FAM83H: variants seen among roughly 807,000 people sequenced by gnomAD.
The protein encoded by FAM83H is scaffolding CK1 anchoring protein H.
Under a neutral mutation model 30.2 loss-of-function variants are expected in FAM83H, and 24 were observed. That is an observed-to-expected ratio of 0.79 (90% CI 0.57 to 1.12). The LOEUF is 1.12. FAM83H is among the 50% of genes most tolerant of loss of function. The pLI, the probability that FAM83H is intolerant of heterozygous loss-of-function variation, is 0.00. For synonymous variants in FAM83H, 1,013 were observed against 821.7 expected (o/e 1.23, Z -3.98); for missense variants, 2,038 against 1,773.9 (o/e 1.15, Z -2.67).
Position 143,725,836 on chromosome 8 carries a change from G to T in FAM83H, c.*85C>A. ...CCTGACAGCCGCTGCTCAAGCAGAT[G>T]AGCAGGGCTCTCTGTTCCGCGGGGC... On this transcript the variant is annotated 3_prime_UTR_variant, in exon 5 of 5. Coordinates refer to ENST00000388913, the MANE Select transcript of FAM83H (RefSeq NM_198488.5). 1 of 1,567,900 alleles carries T rather than the reference G, an allele frequency of 6.4e-7. No individual in the cohort carries two copies. Among genetic ancestry groups the T allele is most frequent in the South Asian group, 1.2e-5 (1 of 86,618 alleles).
chr8:143,727,629 T>C lies in FAM83H; in HGVS notation c.1832A>G (p.Asp611Gly), dbSNP rs1554622727. ...PAPMEAEAYEDDVLAPGGRAP... is the reference protein window; with the variant it reads ...PAPMEAEAYEGDVLAPGGRAP... ...CCGGCCCCCGGGAGCCAGCACGTCG[T>C]CTTCGTAAGCCTCCGCTTCCATGGG... The change falls in exon 5 of 5, where the codon GAC (aspartate) becomes GGC (glycine). Residue 611 changes from aspartate to glycine, a missense_variant. Transcript: ENST00000388913. The C allele has an allele frequency of 1.9e-6, 3 of 1,580,516 alleles. No individual in the cohort carries two copies. The highest frequency in any genetic ancestry group is 2.7e-5 in the African/African-American group (2 of 73,696).
rs549881150 is a variant in FAM83H at position 143,725,156 on chromosome 8, C to CGGGGGGGGGGGGGG, written c.*751_*764dup. ...AAGCCCAGGCGGGGGAGGGGGGAGA[C>CGGGGGGGGGGGGGG]GGGGGGGGGGGGGGGGGAGGGAAGG... On this transcript the variant is annotated 3_prime_UTR_variant, in exon 5 of 5. Coordinates refer to ENST00000388913, the MANE Select transcript of FAM83H (RefSeq NM_198488.5). 22 of 37,488 alleles carry CGGGGGGGGGGGGGG rather than the reference C, an allele frequency of 5.9e-4. No homozygotes were observed. The highest frequency in any genetic ancestry group is 1.9e-3 in the South Asian group (2 of 1,046). 2.3% of individuals were successfully genotyped at this position (37,488 alleles called of 1,614,324 possible).
At position 143,728,624 on chromosome 8, in the gene FAM83H, C is replaced by T. The variant is rs1554623541; in HGVS notation, c.837G>A (p.Ala279=). The change falls in exon 5 of 5, where the codon GCG becomes GCA. Residue 279 remains alanine, a synonymous_variant. Coordinates refer to ENST00000388913, the MANE Select transcript of FAM83H (RefSeq NM_198488.5). The stretch of plus-strand genomic sequence containing the variant: ...CCGAGGGCACAAGCGGCTCGGACTG[C>T]GCGAAGAGGATGCGGAACTCCTCGT... ...SFDEEFRILF[A]QSEPLVPSAA... The T allele has an allele frequency of 2.5e-6, 4 of 1,609,406 alleles. No individual in the cohort carries two copies. The highest frequency in any genetic ancestry group is 1.1e-5 in the South Asian group (1 of 91,008).
Position 143,728,981 on chromosome 8 carries a change from C to T in FAM83H, c.723G>A (p.Met241Ile), listed in dbSNP as rs781985779. The T allele has an allele frequency of 1.9e-6, 3 of 1,613,604 alleles. No homozygotes were observed. The Admixed American group carries it at 5.0e-5, about 27-fold the overall frequency. Residue 241 changes from methionine to isoleucine, a missense_variant, in exon 4 of 5, where the codon ATG becomes ATA. Coordinates refer to ENST00000388913, the MANE Select transcript of FAM83H (RefSeq NM_198488.5). ...KFLLVDCAVV[M>I]SGSYSFMWSF... ...CGCGGGCGCACCTGTAGCTCCCACT[C>T]ATCACCACGGCACAGTCCACCAGCA...
At position 143,726,252 on chromosome 8, in the gene FAM83H, T is replaced by C; in HGVS notation, c.3209A>G (p.Glu1070Gly). 6.2e-7 allele frequency: 1 copy of C among 1,612,234 alleles called. No individual in the cohort carries two copies. The highest frequency in any genetic ancestry group is 8.5e-7 in the Non-Finnish European group (1 of 1,179,710). ...GCCAGCAGCCGGTGGACGGCCTAGCTCGGGGCTGTTGTGGGTCGGGCCGGG... is the reference window on the plus strand; with the variant it reads ...GCCAGCAGCCGGTGGACGGCCTAGCCCGGGGCTGTTGTGGGTCGGGCCGGG... ...PSPGPTHNSP[E>G]LGRPPAAGVL... The change falls in exon 5 of 5, where the codon GAG (glutamate) becomes GGG (glycine). Residue 1070 changes from glutamate (E) to glycine (G), a missense_variant. By Grantham distance (98) the Glu-to-Gly change is moderately conservative. Coordinates refer to ENST00000388913, the MANE Select transcript of FAM83H (RefSeq NM_198488.5).
chr8:143,724,270 C>T lies in FAM83H; in HGVS notation c.*1651G>A, dbSNP rs555469709. 6.6e-6 allele frequency: 1 copy of T among 152,332 alleles called. No homozygotes were observed. Among genetic ancestry groups the T allele is most frequent in the East Asian group, 1.9e-4 (1 of 5,186 alleles). 9.4% of individuals were successfully genotyped at this position (152,332 alleles called of 1,614,324 possible). On this transcript the variant is annotated 3_prime_UTR_variant, in exon 5 of 5. Coordinates refer to ENST00000388913, the MANE Select transcript of FAM83H (RefSeq NM_198488.5). ...GAGTGAAAGTGGGGTCACTTTCCTTCCTTTCCCAGCTGCTGGAGTCGGAAC... is the reference window on the plus strand; with the variant it reads ...GAGTGAAAGTGGGGTCACTTTCCTTTCTTTCCCAGCTGCTGGAGTCGGAAC...
chr8:143,727,562 T>A lies in FAM83H; in HGVS notation c.1899A>T (p.Pro633=), dbSNP rs781890675. 1 of 1,587,516 alleles carries A rather than the reference T, an allele frequency of 6.3e-7. No homozygotes were observed. Among genetic ancestry groups the A allele is most frequent in the Non-Finnish European group, 8.5e-7 (1 of 1,174,046 alleles). Residue 633 remains proline (P), a synonymous_variant, in exon 5 of 5, where the codon CCA becomes CCT. Coordinates refer to ENST00000388913, the MANE Select transcript of FAM83H (RefSeq NM_198488.5). ...GDLLPSAFRV[P]AAFPTKVPVP... ...CCGGGACCTTGGTGGGGAAGGCTGC[T>A]GGGACGCGGAAGGCCGAGGGGAGCA...
rs1678730368 is a variant in FAM83H at position 143,726,651 on chromosome 8, A to G, written c.2810T>C (p.Leu937Pro). ...GGACTCCCCGGAGATGGTAAGGGTG[A>G]GGCTGCCCCTGCGCTCCGGCACGGG... is the stretch of plus-strand genomic sequence containing the variant. ...VPPVPERRGS[L>P]TLTISGESPK... Residue 937 changes from leucine (L) to proline (P), a missense_variant, in exon 5 of 5, where the codon CTC becomes CCC. By Grantham distance (98) the Leu-to-Pro change is moderately conservative. Transcript: ENST00000388913. 2 of 1,597,766 alleles carry G rather than the reference A, an allele frequency of 1.3e-6. No individual in the cohort carries two copies. The highest frequency in any genetic ancestry group is 8.5e-7 in the Non-Finnish European group (1 of 1,177,342).
rs782396466 is a variant in FAM83H, at chr8:143,728,552, G to A, written c.909C>T (p.Ala303=). The A allele has an allele frequency of 4.4e-6, 7 of 1,579,250 alleles. No homozygotes were observed. In the African/African-American group the frequency reaches 6.7e-5, roughly 15 times the overall value. ...GGACGCCCACGAGAGGCCCGGCCCC[G>A]GCATACGGAGCCAGGGCATAGGCGT... ...RMDAYALAPY[A]GAGPLVGVPG... The change falls in exon 5 of 5, where the codon GCC becomes GCT. Residue 303 remains alanine (A), a synonymous_variant. Transcript: ENST00000388913.
intron 1 of FAM83H, chr8:143,731,471 C>T: frequency 1.0e-6 from 1 of 985,472 alleles, no homozygotes; most frequent in Non-Finnish European, 1.2e-6. Context: ...ACACCTCCTC[C>T]CCATCCTCAG....
Position 143,728,686 on chromosome 8 carries a change from C to G in FAM83H, c.775G>C (p.Ala259Pro). The G allele has an allele frequency of 6.2e-7, 1 of 1,601,726 alleles. No individual in the cohort carries two copies. Among genetic ancestry groups the G allele is most frequent in the Non-Finnish European group, 8.5e-7 (1 of 1,179,876 alleles). The change falls in exon 5 of 5, where the codon GCG becomes CCG. Residue 259 changes from alanine to proline, a missense_variant. By Grantham distance (27) the Ala-to-Pro change is conservative. Transcript: ENST00000388913. The part of the protein sequence containing the change: ...WSFEKIHRSL[A>P]HVFQGELVSS... ...ACCAGCTCTCCTTGGAACACGTGCG[C>G]CAGGCTGCGGTGGATCTTCTCAAAG...
Position 143,729,064 on chromosome 8 carries a change from G to T in FAM83H, c.640C>A (p.Pro214Thr). The T allele has an allele frequency of 6.2e-7, 1 of 1,613,578 alleles. No individual in the cohort carries two copies. The highest frequency in any genetic ancestry group is 8.5e-7 in the Non-Finnish European group (1 of 1,180,004). The change falls in exon 4 of 5, where the codon CCC becomes ACC. Residue 214 changes from proline (P) to threonine (T), a missense_variant. Pro to Thr is a conservative substitution (Grantham distance 38, BLOSUM62 -1). Transcript: ENST00000388913. ...DFLRVRTVAG[P>T]TYYCRTGKSF... ...TTCCCAGTGCGGCAGTAGTAGGTGG[G>T]GCCCGCCACAGTCCGTACGCGCAGG...
In FAM83H at chr8:143,729,257, C is replaced by T. The variant is rs1317608662; in HGVS notation, c.514G>A (p.Ala172Thr). ...DLLSEVLEAA[A>T]RRVPVYILLD... is the part of the protein sequence containing the mutation. ...AGGATGTAGACTGGGACCCGACGGG[C>T]CGCGGCCTCCAGCACTTCGCTGAGC... Residue 172 changes from alanine to threonine, a missense_variant, in exon 3 of 5, where the codon GCC becomes ACC. Transcript: ENST00000388913. The T allele has an allele frequency of 2.5e-6, 4 of 1,613,338 alleles. No homozygotes were observed. The highest frequency in any genetic ancestry group is 1.3e-5 in the African/African-American group (1 of 74,920).
rs901807227 is a variant in FAM83H at position 143,724,972 on chromosome 8, C to G, written c.*949G>C. On this transcript the variant is annotated 3_prime_UTR_variant, in exon 5 of 5. Transcript: ENST00000388913. The stretch of plus-strand genomic sequence containing the variant: ...CCTGCCCTGTCCAGCTTCCTTGCCA[C>G]TCCAAGGGGCATCTTCTGGTCCAGC... The G allele has an allele frequency of 6.6e-6, 1 of 151,986 alleles. No homozygotes were observed. Among genetic ancestry groups the G allele is most frequent in the Non-Finnish European group, 1.5e-5 (1 of 68,074 alleles). The allele number at this position is 151,986 out of a possible 1,614,324, so 9.4% of individuals were successfully genotyped here. A position where few individuals can be genotyped will look rare whatever the true frequency, so the allele number is the denominator to read the frequency against.
Position 143,727,523 on chromosome 8 carries a change from G to C in FAM83H, c.1938C>G (p.Gly646=), listed in dbSNP as rs1554622637. 3 of 1,580,260 alleles carry C rather than the reference G, an allele frequency of 1.9e-6. No homozygotes were observed. The highest frequency in any genetic ancestry group is 8.5e-7 in the Non-Finnish European group (1 of 1,170,610). The change falls in exon 5 of 5, where the codon GGC becomes GGG. Residue 646 remains glycine (G), a synonymous_variant. Transcript: ENST00000388913. ...CGCGCTCTGGGCCGTTGCCGCCGCT[G>C]CCCGGGCCTGGCACCGGGACCTTGG... is the stretch of plus-strand genomic sequence containing the variant. ...FPTKVPVPGP[G]SGGNGPEREG...
rs2129660045 is a variant in FAM83H at position 143,726,630 on chromosome 8, T to A, written c.2831A>T (p.Glu944Val). The A allele has an allele frequency of 6.3e-7, 1 of 1,598,302 alleles. No homozygotes were observed. Among genetic ancestry groups the A allele is most frequent in the Admixed American group, 1.7e-5 (1 of 59,572 alleles). ...RGSLTLTISG[E>V]SPKAGPAEEG... ...CTCCGCGGGCCCGGCCTTCGGGGAC[T>A]CCCCGGAGATGGTAAGGGTGAGGCT... Residue 944 changes from glutamate (E) to valine (V), a missense_variant, in exon 5 of 5, where the codon GAG becomes GTG. Physicochemically the swap from Glu to Val is moderately radical, Grantham distance 121. Coordinates refer to ENST00000388913, the MANE Select transcript of FAM83H (RefSeq NM_198488.5).
Position 143,730,121 on chromosome 8 carries a change from C to T in FAM83H, c.447+15G>A, listed in dbSNP as rs1554623991. ...AGGCCCCTCCCCCACTACCCTCAAG[C>T]CCAAGATGGCGCACCTGCTGGGCGG... On this transcript the variant is annotated intron_variant, in intron 2 of 4. Coordinates refer to ENST00000388913, the MANE Select transcript of FAM83H (RefSeq NM_198488.5). 1 of 1,530,628 alleles carries T rather than the reference C, an allele frequency of 6.5e-7. No homozygotes were observed. Among genetic ancestry groups the T allele is most frequent in the South Asian group, 1.3e-5 (1 of 78,672 alleles). 94.8% of individuals were successfully genotyped at this position (1,530,628 alleles called of 1,614,324 possible).
chr8:143,726,675 G>A lies in FAM83H; in HGVS notation c.2786C>T (p.Pro929Leu). The A allele has an allele frequency of 6.3e-7, 1 of 1,596,830 alleles. No homozygotes were observed. The highest frequency in any genetic ancestry group is 8.5e-7 in the Non-Finnish European group (1 of 1,176,080). Reference sequence around the variant, plus strand: ...GAGGCTGCCCCTGCGCTCCGGCACGGGGGGCACCGGACTGCTCCTGCGCTC... The same window carrying A: ...GAGGCTGCCCCTGCGCTCCGGCACGAGGGGCACCGGACTGCTCCTGCGCTC... ...VPERRSSPVPPVPERRGSLTL... is the reference protein window; with the variant it reads ...VPERRSSPVPLVPERRGSLTL... Residue 929 changes from proline (P) to leucine (L), a missense_variant, in exon 5 of 5, where the codon CCC becomes CTC. Transcript: ENST00000388913.
In FAM83H at chr8:143,725,156, C is replaced by CGGGGGGGGGGGGGGGGGGGGAGGG. The variant is rs549881150; in HGVS notation, c.*764_*765insCCCTCCCCCCCCCCCCCCCCCCCC. 2.7e-5 allele frequency: 1 copy of CGGGGGGGGGGGGGGGGGGGGAGGG among 37,534 alleles called. No homozygotes were observed. Among genetic ancestry groups the CGGGGGGGGGGGGGGGGGGGGAGGG allele is most frequent in the Admixed American group, 2.4e-4 (1 of 4,218 alleles). The allele number at this position is 37,534 out of a possible 1,614,324, so 2.3% of individuals were successfully genotyped here. ...AAGCCCAGGCGGGGGAGGGGGGAGA[C>CGGGGGGGGGGGGGGGGGGGGAGGG]GGGGGGGGGGGGGGGGGAGGGAAGG... On this transcript the variant is annotated 3_prime_UTR_variant, in exon 5 of 5. Transcript: ENST00000388913.
Sources: allele counts gnomAD v4.1 joint callset, GRCh38; gene constraint gnomAD v4.1.1; transcripts MANE v1.5; gene names NCBI Gene and HGNC (gene_info 2026-07-23, HGNC 2026-07-21).